The following CT45A1 variants were observed in gnomAD, a reference collection of about 807,000 sequenced individuals.
CT45A1 encodes the protein cancer/testis antigen 45-1.
intron 1 of CT45A1, among the ~76,000 whole-genome samples, chrX:135,716,067 A>T (rs1204179177): frequency 9.0e-6 from 1 of 111,145 alleles, no homozygotes; most frequent in East Asian, 2.8e-4. Context: ...CATTTTCTTT[A>T]TCCAGTCTAT....
chrX:135,712,918 CTTTT>C (rs1462540870), upstream of CT45A1, among the ~76,000 whole-genome samples: 1 of 97,302 alleles, frequency 1.0e-5, no homozygotes, highest in African/African-American at 4.0e-5. Flanking sequence ...TTCTTTCTTT[CTTTT>C]CTTTTCTTTT....
upstream of CT45A1, among the ~76,000 whole-genome samples, chrX:135,712,585 G>C (rs2087940998): frequency 9.0e-6 from 1 of 110,794 alleles, no homozygotes; most frequent in South Asian, 3.9e-4. Context: ...CTGGAGTGCA[G>C]TGGTGTGATC....
chrX:135,717,846 A>G (rs1313125294), intron 1 of CT45A1, among the ~76,000 whole-genome samples: 14 of 111,518 alleles, frequency 1.3e-4, no homozygotes, highest in South Asian at 3.8e-4. Flanking sequence ...GCATTTTTCT[A>G]TGTACAGAAC....
At chrX:135,710,554 G>T (rs1463962314), upstream of CT45A1, among the ~76,000 whole-genome samples, 15 of 111,731 alleles carry the variant, frequency 1.3e-4, no homozygotes, top group African/African-American at 4.9e-4. Context: ...CTTAGTGTTG[G>T]TCTCCATTCC....
chrX:135,715,543 A>G (rs1231503123), intron 1 of CT45A1, among the ~76,000 whole-genome samples: 1 of 87,113 alleles, frequency 1.1e-5, no homozygotes, highest in South Asian at 5.4e-4. Flanking sequence ...ATACTTATAT[A>G]TAATACTTAT....
chrX:135,711,069 C>T (rs532447726), upstream of CT45A1, among the ~76,000 whole-genome samples: 664 of 112,007 alleles, frequency 5.9e-3, 4 homozygotes, highest in Middle Eastern at 0.028. Flanking sequence ...AGGACTGTCA[C>T]ATGCAGCTGT....
At chrX:135,718,024 G>A (rs1428425617) in intron 1 of CT45A1, among the ~76,000 whole-genome samples, 1 of 111,972 alleles carries the variant, frequency 8.9e-6, no homozygotes, top group Non-Finnish European at 1.9e-5. Flanking sequence ...TCACTATGAA[G>A]TATGGCATTT....
At chrX:135,717,477 A>G (rs1243068062) in intron 1 of CT45A1, among the ~76,000 whole-genome samples, 1 of 110,526 alleles carries the variant, frequency 9.0e-6, no homozygotes, top group Admixed American at 9.7e-5. Flanking sequence ...TGAACTCAGG[A>G]GGTGGAGGTT....
intron 1 of CT45A1, among the ~76,000 whole-genome samples, chrX:135,714,761 G>A (rs782701228): frequency 6.4e-5 from 7 of 108,590 alleles, no homozygotes; most frequent in Non-Finnish European, 1.1e-4. Flanking sequence ...ATTGATTTTT[G>A]TTTGTCTTTT....
chrX:135,709,341 T>C (rs1556568997), upstream of CT45A1, among the ~76,000 whole-genome samples: 1 of 112,634 alleles, frequency 8.9e-6, no homozygotes, highest in Non-Finnish European at 1.9e-5. Flanking sequence ...TTGGCCAGGC[T>C]AGTCTCAAAC....
At chrX:135,709,155 A>T (rs1569518497), upstream of CT45A1, among the ~76,000 whole-genome samples, 2 of 112,441 alleles carry the variant, frequency 1.8e-5, no homozygotes, top group South Asian at 7.5e-4. Context: ...CAGCAGCTGC[A>T]GTTGGAACAA....
At chrX:135,708,456 T>C in the CT45A1 span, among the ~76,000 whole-genome samples, 7 of 109,991 alleles carry the variant, frequency 6.4e-5, no homozygotes, top group Non-Finnish European at 1.1e-4. Flanking sequence ...CCAGAAAGTG[T>C]CTTTCTGGGG....
At chrX:135,709,675 C>A (rs188426716), upstream of CT45A1, among the ~76,000 whole-genome samples, 1 of 111,346 alleles carries the variant, frequency 9.0e-6, no homozygotes, top group East Asian at 2.8e-4. Context: ...TACACATGAA[C>A]ATAAAGGTAG....
At chrX:135,711,912 C>T (rs782772912), upstream of CT45A1, among the ~76,000 whole-genome samples, 19 of 109,972 alleles carry the variant, frequency 1.7e-4, no homozygotes, top group Admixed American at 3.9e-4. Flanking sequence ...GAAACACTGT[C>T]TCTACTAAAA....
chrX:135,714,850 T>G (rs1485760369), intron 1 of CT45A1, among the ~76,000 whole-genome samples: 47 of 108,467 alleles, frequency 4.3e-4, no homozygotes, highest in African/African-American at 1.6e-3. Context: ...TTTTTTTTTT[T>G]GAGCACCATT....
intron 1 of CT45A1, among the ~76,000 whole-genome samples, chrX:135,715,088 T>C (rs186137403): frequency 2.9e-5 from 3 of 104,507 alleles, no homozygotes; most frequent in Non-Finnish European, 1.9e-5. Context: ...ACGATCTCAA[T>C]AATGTATTTT....
At position 135,715,643 on chromosome X, in the gene CT45A1, CTTAT is replaced by C. The variant is rs1436639602; in HGVS notation, c.-7+1954_-7+1957del. Among the ~76,000 whole-genome samples the C allele has an allele frequency of 2.7e-4, 24 of 90,328 alleles. No individual in the cohort carries two copies. In the East Asian group the frequency reaches 6.0e-3, roughly 22 times the overall value. 78.4% of individuals were successfully genotyped at this position (90,328 alleles called of 115,157 possible). Reference sequence around the variant, plus strand: ...GTATATAATACTTATATATATAATACTTATATGTATATAATACTTATATATATAA... The same window carrying C: ...GTATATAATACTTATATATATAATACATGTATATAATACTTATATATATAA... On this transcript the variant is annotated intron_variant, in intron 1 of 4. Coordinates refer to ENST00000594565, the MANE Select transcript of CT45A1 (RefSeq NM_001017417.3).
At chrX:135,715,266 T>TTATATATATATAATACTTA (rs1569518748) in intron 1 of CT45A1, among the ~76,000 whole-genome samples, 1 of 78,866 alleles carries the variant, frequency 1.3e-5, no homozygotes, top group African/African-American at 5.9e-5. Context: ...TATATAATAC[T>TTATATATATATAATACTTA]TATATATATA....
In CT45A1 at chrX:135,717,063, TA is replaced by T. The variant is rs782357501; in HGVS notation, c.-6-1864del. Reference sequence around the variant, plus strand: ...ATCTACTAACTTAGTTCTTTTTCTTTAAAAAAAACTTTGTATTTTCCTTGGC... The same window carrying T: ...ATCTACTAACTTAGTTCTTTTTCTTTAAAAAAACTTTGTATTTTCCTTGGC... On this transcript the variant is annotated intron_variant, in intron 1 of 4. Coordinates refer to ENST00000594565, the MANE Select transcript of CT45A1 (RefSeq NM_001017417.3). 7.6e-3 allele frequency among the ~76,000 whole-genome samples: 851 copies of T among 111,255 alleles called. 2 individuals carry two copies. Among genetic ancestry groups the T allele is most frequent in the Non-Finnish European group, 0.013 (700 of 53,007 alleles).
Sources: allele counts gnomAD v4.1 joint callset (sites outside exome capture counted in the v4.1 genomes callset), GRCh38; gene constraint gnomAD v4.1.1; transcripts MANE v1.5; gene names NCBI Gene and HGNC (gene_info 2026-07-23, HGNC 2026-07-21).